Variants in PCDH11X observed in about 807,000 individuals in gnomAD.
PCDH11X encodes protocadherin-11 X-linked.
A neutral mutation model predicts 53.3 loss-of-function variants in PCDH11X; 18 were observed. The ratio of observed to expected loss-of-function variants is 0.34; its 90% CI spans 0.23 to 0.50. The LOEUF (loss-of-function observed/expected upper bound fraction) is 0.50. PCDH11X is among the 20% of genes least tolerant of loss of function. The pLI, the probability that PCDH11X is intolerant of heterozygous loss-of-function variation, is 0.98. For synonymous variants in PCDH11X, 279 were observed against 393.3 expected (o/e 0.71, Z 3.44); for missense variants, 570 against 1,032.4 (o/e 0.55, Z 6.14).
At chrX:92,599,463 G>A (rs1271085420) in intron 10 of PCDH11X, among the ~76,000 whole-genome samples, 5 of 111,856 alleles carry the variant, frequency 4.5e-5, no homozygotes, top group Non-Finnish European at 9.4e-5. Context: ...CAAGAGATCT[G>A]ATGGTTTTCT....
At chrX:92,088,265 C>G (rs780844367) in intron 6 of PCDH11X, among the ~76,000 whole-genome samples, 1 of 110,915 alleles carries the variant, frequency 9.0e-6, no homozygotes, top group East Asian at 2.8e-4. Context: ...TTTTCAATTG[C>G]TTTAATAGCT....
chrX:91,829,488 A>G (rs1211232748), intron 4 of PCDH11X, among the ~76,000 whole-genome samples: 2 of 109,354 alleles, frequency 1.8e-5, no homozygotes, highest in Non-Finnish European at 3.8e-5. Context: ...TTAACAAATG[A>G]CTAAAATTGT....
At chrX:91,781,313 A>AGG (rs751790762) in intron 1 of PCDH11X, among the ~76,000 whole-genome samples, 1 of 86,977 alleles carries the variant, frequency 1.1e-5, no homozygotes, top group African/African-American at 4.2e-5. Context: ...TAGAAGGGGG[A>AGG]GGGGGGGCAG....
intron 7 of PCDH11X, among the ~76,000 whole-genome samples, chrX:92,246,579 G>C (rs921036339): frequency 3.6e-5 from 4 of 111,051 alleles, no homozygotes; most frequent in East Asian, 2.8e-4. Context: ...TTGAACTCCT[G>C]ACCTCAGGTG....
intron 4 of PCDH11X, among the ~76,000 whole-genome samples, chrX:91,831,023 T>C (rs190966039): frequency 0.016 from 1,745 of 111,767 alleles, 23 homozygotes; most frequent in Non-Finnish European, 0.026. Context: ...ATTTGAACAT[T>C]AATTGTGTGG....
chrX:92,004,932 C>T (rs866520930), intron 6 of PCDH11X, among the ~76,000 whole-genome samples: 7 of 109,336 alleles, frequency 6.4e-5, no homozygotes, highest in African/African-American at 1.0e-4. Context: ...CCCGCCACCG[C>T]GCCCGGCTAA....
In PCDH11X at chrX:92,301,197, T is replaced by C. The variant is rs2068714508; in HGVS notation, c.3144+38054T>C. Among the ~76,000 whole-genome samples the C allele has an allele frequency of 2.7e-5, 3 of 110,439 alleles. No individual in the cohort carries two copies. The Admixed American group carries it at 2.9e-4, about 11-fold the overall frequency. Reference sequence around the variant, plus strand: ...GTGTGGTCTTCCTGTGCAGGAGCTATGATGCGGGATCCTGCAGGCACCCCA... The same window carrying C: ...GTGTGGTCTTCCTGTGCAGGAGCTACGATGCGGGATCCTGCAGGCACCCCA... On this transcript the variant is annotated intron_variant, in intron 8 of 10. Transcript: ENST00000682573.
chrX:92,264,745 G>A (rs1272518033), intron 8 of PCDH11X, among the ~76,000 whole-genome samples: 1 of 110,754 alleles, frequency 9.0e-6, no homozygotes, highest in Non-Finnish European at 1.9e-5. Context: ...TTAGGCTCCT[G>A]CATATAGAAC....
At chrX:92,176,036 G>A (rs1223497812) in intron 6 of PCDH11X, among the ~76,000 whole-genome samples, 2 of 110,474 alleles carry the variant, frequency 1.8e-5, no homozygotes, top group African/African-American at 6.6e-5. Context: ...AACACAAACT[G>A]CTGATGTTTT....
At chrX:92,344,604 T>C (rs867166313) in intron 8 of PCDH11X, among the ~76,000 whole-genome samples, 2 of 99,540 alleles carry the variant, frequency 2.0e-5, no homozygotes, top group Non-Finnish European at 3.9e-5. Context: ...CGTAGAAATA[T>C]TGTTGATCAT....
chrX:92,299,776 G>GT (rs1363918130), intron 8 of PCDH11X, among the ~76,000 whole-genome samples: 5 of 110,583 alleles, frequency 4.5e-5, no homozygotes, highest in African/African-American at 9.9e-5. Context: ...ATTCATTAAT[G>GT]TTTTTTATGG....
chrX:92,487,048 C>CCTTTT (rs2073656208), intron 10 of PCDH11X, among the ~76,000 whole-genome samples: 1 of 67,836 alleles, frequency 1.5e-5, no homozygotes, highest in East Asian at 5.8e-4. Context: ...AATATGCTTC[C>CCTTTT]TTTTTTTTTT....
intron 8 of PCDH11X, among the ~76,000 whole-genome samples, chrX:92,276,568 G>A (rs960148746): frequency 1.8e-5 from 2 of 110,884 alleles, no homozygotes; most frequent in Non-Finnish European, 3.8e-5. Context: ...GGCTGCTGCA[G>A]TTCAGTCAGG....
Position 92,065,455 on chromosome X carries a change from A to G in PCDH11X, c.3034-135920A>G, listed in dbSNP as rs1440907533. ...GAACCTCCAAACTTTTCTTCATAGT[A>G]GTTGTACTAATTTACATTCCCACCA... On this transcript the variant is annotated intron_variant, in intron 6 of 10. Transcript: ENST00000682573. 8.1e-5 allele frequency among the ~76,000 whole-genome samples: 9 copies of G among 111,313 alleles called. No homozygotes were observed. In the Admixed American group the frequency reaches 8.6e-4, roughly 11 times the overall value.
chrX:92,152,519 G>A (rs2065452433), intron 6 of PCDH11X, among the ~76,000 whole-genome samples: 1 of 111,690 alleles, frequency 9.0e-6, no homozygotes, highest in African/African-American at 3.2e-5. Flanking sequence ...AGGTCATTAA[G>A]ACAATGTACT....
intron 9 of PCDH11X, among the ~76,000 whole-genome samples, chrX:92,463,170 C>A (rs1402119343): frequency 2.7e-5 from 3 of 110,324 alleles, no homozygotes; most frequent in Admixed American, 9.7e-5. Context: ...TATTCTATTT[C>A]TCTTAAGGAC....
intron 6 of PCDH11X, among the ~76,000 whole-genome samples, chrX:91,956,585 A>G (rs904765254): frequency 2.8e-5 from 3 of 107,206 alleles, no homozygotes; most frequent in East Asian, 6.1e-4. Flanking sequence ...TTAGCCCCCA[A>G]TCTCTTCTGG....
At chrX:92,529,372 A>T (rs2074514595) in intron 10 of PCDH11X, among the ~76,000 whole-genome samples, 1 of 108,299 alleles carries the variant, frequency 9.2e-6, no homozygotes, top group Non-Finnish European at 1.9e-5. Context: ...CTGAATCTGT[A>T]TGTATTATTT....
intron 6 of PCDH11X, among the ~76,000 whole-genome samples, chrX:92,041,932 G>A (rs2063215668): frequency 8.9e-6 from 1 of 112,224 alleles, no homozygotes; most frequent in East Asian, 2.8e-4. Flanking sequence ...TCACACCACT[G>A]CACTCTAGCC....
Sources: allele counts gnomAD v4.1 joint callset (sites outside exome capture counted in the v4.1 genomes callset), GRCh38; gene constraint gnomAD v4.1.1; transcripts MANE v1.5; gene names NCBI Gene and HGNC (gene_info 2026-07-23, HGNC 2026-07-21).